The following THAP4 variants were observed in gnomAD, a reference collection of about 807,000 sequenced individuals.
The protein encoded by THAP4 is THAP domain containing 4.
In THAP4, 18 loss-of-function variants were observed where a neutral mutation model predicts 48.1. The observed-to-expected ratio is 0.37, with a 90% CI of 0.26 to 0.56. The LOEUF is 0.56. THAP4 is among the 20% of genes least tolerant of loss of function. THAP4 has a pLI of 0.78. For missense variants in THAP4, 656 were observed against 774.9 expected (o/e 0.85, Z 1.82); for synonymous variants, 345 against 324.9 (o/e 1.06, Z -0.66).
At chr2:241,622,432 G>T (rs2067440691) in intron 2 of THAP4, among the ~76,000 whole-genome samples, 1 of 152,084 alleles carries the variant, frequency 6.6e-6, no homozygotes, top group Non-Finnish European at 1.5e-5. Flanking sequence ...TTCACTGGCA[G>T]TACCTCTTCC....
chr2:241,591,389 T>A (rs143676534), intron 5 of THAP4, among the ~76,000 whole-genome samples: 1 of 152,174 alleles, frequency 6.6e-6, no homozygotes, highest in Non-Finnish European at 1.5e-5. Flanking sequence ...CGTTACAAGA[T>A]TATATATGCT....
chr2:241,622,149 C>A (rs955102070), intron 2 of THAP4, among the ~76,000 whole-genome samples: 1 of 152,328 alleles, frequency 6.6e-6, no homozygotes, highest in East Asian at 1.9e-4. Context: ...GCGGGTGGAT[C>A]GCCTGAGGTC....
At chr2:241,626,109 G>C (rs2067493682) in intron 2 of THAP4, among the ~76,000 whole-genome samples, 1 of 152,076 alleles carries the variant, frequency 6.6e-6, no homozygotes, top group Non-Finnish European at 1.5e-5. Flanking sequence ...ACAGCTCTCA[G>C]CAACAGGAAT....
chr2:241,602,891 G>A, intron 4 of THAP4, 79 bp downstream of exon 4: 2 of 1,094,700 alleles, frequency 1.8e-6, no homozygotes, highest in South Asian at 1.3e-5. Context: ...GTTGCACATG[G>A]GCATCCCTGC....
intron 5 of THAP4, among the ~76,000 whole-genome samples, chr2:241,585,729 A>C (rs1174580937): frequency 2.0e-5 from 3 of 151,710 alleles, no homozygotes; most frequent in African/African-American, 7.3e-5. Context: ...GGAGGGACAA[A>C]CACTGGAATT....
Position 241,633,312 on chromosome 2 carries a change from T to C in THAP4, c.845A>G (p.Gln282Arg). The C allele has an allele frequency of 6.2e-7, 1 of 1,612,446 alleles. No individual in the cohort carries two copies. The highest frequency in any genetic ancestry group is 8.5e-7 in the Non-Finnish European group (1 of 1,180,026). Reference sequence around the variant, plus strand: ...GGTAAGTGATGAGCTGGGAGGGCTCTGGGCCAGGCCCTTGTCGGGTCCCAG... The same window carrying C: ...GGTAAGTGATGAGCTGGGAGGGCTCCGGGCCAGGCCCTTGTCGGGTCCCAG... ...SSLGPDKGLA[Q>R]SPPSSSLTAT... The change falls in exon 2 of 6, where the codon CAG becomes CGG. Residue 282 changes from glutamine (Q) to arginine (R), a missense_variant. Coordinates refer to ENST00000407315, the MANE Select transcript of THAP4 (RefSeq NM_015963.6). The surrounding 1 kb of genome is among the most constrained non-coding windows in gnomAD (Gnocchi z 7.5).
intron 2 of THAP4, among the ~76,000 whole-genome samples, chr2:241,607,497 T>A (rs2067197894): frequency 6.6e-6 from 1 of 151,598 alleles, no homozygotes; most frequent in Admixed American, 6.6e-5. Context: ...CCCAAAGACC[T>A]GCTTCCCAGG....
At chr2:241,607,128 C>T (rs1230421347) in intron 2 of THAP4, among the ~76,000 whole-genome samples, 1 of 151,964 alleles carries the variant, frequency 6.6e-6, no homozygotes. Flanking sequence ...CCAGGAGACC[C>T]CTTTAGAAGG....
chr2:241,615,910 A>G (rs966600667), intron 2 of THAP4, among the ~76,000 whole-genome samples: 1 of 152,156 alleles, frequency 6.6e-6, no homozygotes, highest in Non-Finnish European at 1.5e-5. Flanking sequence ...CGCGTTCCTC[A>G]GGATGCTGGG....
intron 1 of THAP4, among the ~76,000 whole-genome samples, chr2:241,635,621 T>C (rs1396518957): frequency 6.6e-6 from 1 of 151,722 alleles, no homozygotes; most frequent in Non-Finnish European, 1.5e-5. Context: ...TACAAAAAAA[T>C]TAGACAGGCG....
chr2:241,628,925 CAAAAAAAAAAAA>C (rs34034619), intron 2 of THAP4, among the ~76,000 whole-genome samples: 2 of 64,348 alleles, frequency 3.1e-5, no homozygotes, highest in African/African-American at 1.2e-4. Context: ...GAGATTGTCT[CAAAAAAAAAAAA>C]AAAAAAAAAA....
At position 241,630,265 on chromosome 2, in the gene THAP4, C is replaced by G. The variant is rs144860615; in HGVS notation, c.1240+2652G>C. ...AGCAGAGAGAGGCAGATCCATGGCA[C>G]GCAGCCCAAGGAACAGCAGAGCCAC... On this transcript the variant is annotated intron_variant, in intron 2 of 5. Transcript: ENST00000407315. Among the ~76,000 whole-genome samples, 860 of 152,172 alleles carry G rather than the reference C, an allele frequency of 5.7e-3. 11 individuals carry two copies. The highest frequency in any genetic ancestry group is 0.02 in the African/African-American group (817 of 41,502).
chr2:241,637,504 AC>A, upstream of THAP4: 1 of 1,438,276 alleles, frequency 7.0e-7, no homozygotes, highest in African/African-American at 1.5e-5. Context: ...CCACGACACG[AC>A]CCCATGCCGC....
intron 2 of THAP4, among the ~76,000 whole-genome samples, chr2:241,609,709 C>G (rs1007147196): frequency 6.6e-6 from 1 of 152,136 alleles, no homozygotes; most frequent in Non-Finnish European, 1.5e-5. Context: ...ATTGCTTGAA[C>G]CCGGGAGGCG....
chr2:241,608,973 G>A (rs1369154215), intron 2 of THAP4, among the ~76,000 whole-genome samples: 1 of 152,240 alleles, frequency 6.6e-6, no homozygotes, highest in Non-Finnish European at 1.5e-5. Context: ...GAGAGGAACA[G>A]GAGGCCAGTG....
intron 1 of THAP4, 82 bp downstream of exon 1, chr2:241,636,859 C>A (rs1380794267): frequency 8.0e-5 from 67 of 841,896 alleles, no homozygotes; most frequent in Non-Finnish European, 9.4e-5. Context: ...CCCCGCCCCC[C>A]GCGTTCGGGC....
At chr2:241,592,189 G>T (rs1199156600) in intron 5 of THAP4, 1 of 152,348 alleles carries the variant, frequency 6.6e-6, no homozygotes, top group Non-Finnish European at 1.5e-5. Context: ...GCTCTGCCAG[G>T]CTGGGGGCCT....
intron 2 of THAP4, among the ~76,000 whole-genome samples, chr2:241,620,445 G>GTGAGTGAGGGA (rs1478987467): frequency 7.3e-6 from 1 of 136,584 alleles, no homozygotes; most frequent in African/African-American, 2.8e-5. Flanking sequence ...GAGTGAGTCA[G>GTGAGTGAGGGA]TGAGTGAGGG....
At chr2:241,635,879 C>G (rs2067638422) in intron 1 of THAP4, among the ~76,000 whole-genome samples, 1 of 152,194 alleles carries the variant, frequency 6.6e-6, no homozygotes, top group Non-Finnish European at 1.5e-5. Flanking sequence ...TGGACCAGGA[C>G]AAATCCTAAC....
Sources: allele counts gnomAD v4.1 joint callset (sites outside exome capture counted in the v4.1 genomes callset), GRCh38; gene constraint gnomAD v4.1.1; non-coding constraint Gnocchi (gnomAD v3.1); transcripts MANE v1.5; gene names NCBI Gene and HGNC (gene_info 2026-07-23, HGNC 2026-07-21).